The following DIP2C variants were observed in gnomAD, a reference collection of about 807,000 sequenced individuals.
DIP2C encodes the protein disco-interacting protein 2 homolog C.
DIP2C carries 33 observed loss-of-function variants against 192.4 expected under a neutral mutation model. That is an observed-to-expected ratio of 0.17 (90% CI 0.13 to 0.23). The LOEUF (loss-of-function observed/expected upper bound fraction) is 0.23, where lower values mean the gene tolerates loss of function less well. Among genes scored for constraint, DIP2C ranks in the 10% least tolerant of loss-of-function variants. The pLI is 1.00. For missense variants in DIP2C, 1,537 were observed against 2,110.1 expected, an observed-to-expected ratio of 0.73 and a Z score of 5.32; for synonymous variants, 979 against 864.1, an observed-to-expected ratio of 1.13 and a Z score of -2.33.
At chr10:436,080 A>T (rs1469768457) in intron 4 of DIP2C, among the ~76,000 whole-genome samples, 3 of 152,208 alleles carry the variant, frequency 2.0e-5, no homozygotes, top group Non-Finnish European at 2.9e-5. Flanking sequence ...TTTTTATATT[A>T]ACTGGTGTCT....
intron 1 of DIP2C, among the ~76,000 whole-genome samples, chr10:542,868 C>G (rs1400982118): frequency 1.3e-5 from 2 of 152,118 alleles, no homozygotes; most frequent in East Asian, 1.9e-4. Context: ...CATCAGATCC[C>G]AGTTCTTACG....
chr10:280,555 A>C (rs1357056018), intron 36 of DIP2C, among the ~76,000 whole-genome samples: 2 of 152,148 alleles, frequency 1.3e-5, no homozygotes, highest in Non-Finnish European at 2.9e-5. Flanking sequence ...CCACTCCCAC[A>C]CCTCAGAAGA....
intron 1 of DIP2C, among the ~76,000 whole-genome samples, chr10:579,461 G>C (rs149952931): frequency 6.7e-6 from 1 of 150,266 alleles, no homozygotes; most frequent in Admixed American, 6.6e-5. Flanking sequence ...TGCATAGAGC[G>C]TACACACATA....
At chr10:593,498 C>CA (rs1554749807) in intron 1 of DIP2C, among the ~76,000 whole-genome samples, 51 of 119,012 alleles carry the variant, frequency 4.3e-4, no homozygotes, top group Admixed American at 1.9e-3. Context: ...CCCCCCCCCC[C>CA]ACCCTTTCTG....
At chr10:491,556 G>C (rs780405721) in intron 1 of DIP2C, among the ~76,000 whole-genome samples, 1 of 152,200 alleles carries the variant, frequency 6.6e-6, no homozygotes, top group Non-Finnish European at 1.5e-5. Context: ...GGGGCAGGAG[G>C]ACCTGGGATG....
intron 1 of DIP2C, among the ~76,000 whole-genome samples, chr10:538,016 C>CT (rs1181576070): frequency 6.6e-6 from 1 of 152,190 alleles, no homozygotes; most frequent in African/African-American, 2.4e-5. Context: ...TCTTGAACTC[C>CT]TGGCCTCAAG....
At chr10:320,550 T>C (rs1358311374) in intron 31 of DIP2C, among the ~76,000 whole-genome samples, 3 of 150,642 alleles carry the variant, frequency 2.0e-5, no homozygotes, top group Admixed American at 1.3e-4. Flanking sequence ...TTTGACAAAA[T>C]GTATCCAACA....
intron 10 of DIP2C, among the ~76,000 whole-genome samples, chr10:397,085 C>T (rs555912865): frequency 1.3e-5 from 2 of 152,322 alleles, no homozygotes; most frequent in African/African-American, 2.4e-5. Flanking sequence ...TGAAGAGATA[C>T]CCACGTGGCA....
intron 7 of DIP2C, among the ~76,000 whole-genome samples, chr10:414,725 G>GTATATATATATA (rs1340908987): frequency 1.4e-5 from 1 of 69,720 alleles, no homozygotes; most frequent in African/African-American, 5.6e-5. Context: ...GTGTGTGTGT[G>GTATATATATATA]TGTGTGTGTG....
intron 1 of DIP2C, among the ~76,000 whole-genome samples, chr10:603,664 C>T (rs1564255876): frequency 1.3e-5 from 2 of 152,206 alleles, no homozygotes; most frequent in Admixed American, 6.5e-5. Context: ...ATTTAGGGCA[C>T]ACAAAAGGCT....
chr10:621,634 G>A (rs940900850), intron 1 of DIP2C, among the ~76,000 whole-genome samples: 1 of 152,172 alleles, frequency 6.6e-6, no homozygotes, highest in Non-Finnish European at 1.5e-5. Context: ...TCCCTATCTC[G>A]GGGGAGACCC....
At chr10:355,432 T>C (rs1035003377) in intron 24 of DIP2C, among the ~76,000 whole-genome samples, 3 of 152,244 alleles carry the variant, frequency 2.0e-5, no homozygotes, top group African/African-American at 7.2e-5. Flanking sequence ...TTGTCTTCAA[T>C]CTGCTGCTTC....
intron 1 of DIP2C, among the ~76,000 whole-genome samples, chr10:607,840 C>T (rs1367176365): frequency 1.3e-5 from 2 of 152,046 alleles, no homozygotes; most frequent in African/African-American, 2.4e-5. Flanking sequence ...GTTTAACAAT[C>T]TACAGGTTCA....
chr10:441,692 C>T (rs1007164154), intron 3 of DIP2C, among the ~76,000 whole-genome samples: 2 of 152,194 alleles, frequency 1.3e-5, no homozygotes, highest in Non-Finnish European at 2.9e-5. Context: ...GAGGCCTCCC[C>T]AGCCATGCGG....
At chr10:533,217 G>C (rs180749535) in intron 1 of DIP2C, among the ~76,000 whole-genome samples, 1 of 152,122 alleles carries the variant, frequency 6.6e-6, no homozygotes, top group African/African-American at 2.4e-5. Flanking sequence ...CCGGTATGAG[G>C]AGAGAAAGAA....
chr10:411,405 G>A (rs1053572009), intron 8 of DIP2C, among the ~76,000 whole-genome samples: 1 of 152,176 alleles, frequency 6.6e-6, no homozygotes, highest in Non-Finnish European at 1.5e-5. Context: ...GTGGAAAACA[G>A]AATGATGTTT....
intron 3 of DIP2C, among the ~76,000 whole-genome samples, chr10:466,593 T>A: frequency 1.5e-5 from 2 of 133,226 alleles, no homozygotes; most frequent in South Asian, 2.9e-4. Flanking sequence ...ACCATCAGAG[T>A]GAACAAGCAA....
At chr10:337,491 T>C (rs1392822681) in intron 29 of DIP2C, among the ~76,000 whole-genome samples, 2 of 143,198 alleles carry the variant, frequency 1.4e-5, no homozygotes, top group African/African-American at 5.3e-5. Context: ...ATGTGTGTGC[T>C]GTGGAGGCCT....
chr10:525,974 C>CA (rs1739231658), intron 1 of DIP2C, among the ~76,000 whole-genome samples: 1 of 152,242 alleles, frequency 6.6e-6, no homozygotes. Context: ...TCATGGCTCA[C>CA]ACAGGCAGTG....
Sources: allele counts gnomAD v4.1 joint callset (sites outside exome capture counted in the v4.1 genomes callset), GRCh38; gene constraint gnomAD v4.1.1; transcripts MANE v1.5; gene names NCBI Gene and HGNC (gene_info 2026-07-23, HGNC 2026-07-21).